GPR161: variants seen among roughly 807,000 people sequenced by gnomAD.
GPR161 encodes the protein G-protein coupled receptor RE2.
A neutral mutation model predicts 39.2 loss-of-function variants in GPR161; 25 were observed. The ratio of observed to expected loss-of-function variants is 0.64; its 90% CI spans 0.47 to 0.89. The LOEUF (loss-of-function observed/expected upper bound fraction) is 0.89. GPR161 is among the 40% of genes least tolerant of loss of function. GPR161 has a pLI of 0.00. For synonymous variants in GPR161, 286 were observed against 276.6 expected (o/e 1.03, Z -0.34); for missense variants, 547 against 677.8 (o/e 0.81, Z 2.14).
chr1:168,136,384 T>TA, intron 1 of GPR161: 2 of 1,422,450 alleles, frequency 1.4e-6, no homozygotes, highest in Non-Finnish European at 1.8e-6. Flanking sequence ...GGCACGCACC[T>TA]ACGCCCTCCC....
intron 1 of GPR161, among the ~76,000 whole-genome samples, chr1:168,111,927 T>C (rs1407663600): frequency 1.4e-5 from 2 of 143,090 alleles, no homozygotes; most frequent in Admixed American, 7.0e-5. Flanking sequence ...ATTTCACCTA[T>C]AGAGTAACAG....
chr1:168,101,747 T>C (rs1696124640), intron 2 of GPR161, among the ~76,000 whole-genome samples: 1 of 152,180 alleles, frequency 6.6e-6, no homozygotes, highest in Non-Finnish European at 1.5e-5. Context: ...GCGTGTAACA[T>C]TTTATAGTTA....
At position 168,136,901 on chromosome 1, in the gene GPR161, C is replaced by T; in HGVS notation, c.-207G>A. ...GCTCCTCCCGCGGGCCAGCCACCAG[C>T]ACGCGGACCCGGGCGGGCGCAGGCC... On this transcript the variant is annotated 5_prime_UTR_variant, in exon 1 of 6. Transcript: ENST00000682931. The T allele has an allele frequency of 5.1e-6, 5 of 981,580 alleles. No homozygotes were observed. The highest frequency in any genetic ancestry group is 6.0e-6 in the Non-Finnish European group (5 of 828,390). 60.8% of individuals were successfully genotyped at this position (981,580 alleles called of 1,614,324 possible). A position where few individuals can be genotyped will look rare whatever the true frequency, so the allele number is the denominator to read the frequency against.
Position 168,085,702 on chromosome 1 carries a change from T to C in GPR161, c.1419A>G (p.Glu473=), listed in dbSNP as rs1010570425. 6.2e-7 allele frequency: 1 copy of C among 1,614,234 alleles called. No homozygotes were observed. The highest frequency in any genetic ancestry group is 2.2e-5 in the East Asian group (1 of 44,892). Residue 473 remains glutamate (E), a synonymous_variant, in exon 6 of 6, where the codon GAA becomes GAG. Coordinates refer to ENST00000682931, the MANE Select transcript of GPR161 (RefSeq NM_001375883.1). Reference sequence around the variant, plus strand: ...CCTCCCCAAATAAGTTGATTTTGGCTTCGGCCTCAATGGCTTTGGCCAAGC... The same window carrying C: ...CCTCCCCAAATAAGTTGATTTTGGCCTCGGCCTCAATGGCTTTGGCCAAGC... ...AASLAKAIEA[E]AKINLFGEEA...
In GPR161 at chr1:168,085,812, GA is replaced by G; in HGVS notation, c.1325-17del. 6.3e-6 allele frequency: 10 copies of G among 1,598,040 alleles called. No individual in the cohort carries two copies. Among genetic ancestry groups the G allele is most frequent in the South Asian group, 3.3e-5 (3 of 89,934 alleles). On this transcript the variant is annotated splice_polypyrimidine_tract_variant and intron_variant, in intron 5 of 5. Coordinates refer to ENST00000682931, the MANE Select transcript of GPR161 (RefSeq NM_001375883.1). ...TTGGCAGCTTCTGAGGGAGAAGGCA[GA>G]AAAAAAAGTCAGCTGAGGAGCCAGG...
chr1:168,136,777 G>GCCGCCTCC lies in GPR161; in HGVS notation c.-91_-84dup. 2 of 988,228 alleles carry GCCGCCTCC rather than the reference G, an allele frequency of 2.0e-6. No individual in the cohort carries two copies. Among genetic ancestry groups the GCCGCCTCC allele is most frequent in the Non-Finnish European group, 2.4e-6 (2 of 832,254 alleles). 61.2% of individuals were successfully genotyped at this position (988,228 alleles called of 1,614,324 possible). On this transcript the variant is annotated 5_prime_UTR_variant, in exon 1 of 6. Coordinates refer to ENST00000682931, the MANE Select transcript of GPR161 (RefSeq NM_001375883.1). Reference sequence around the variant, plus strand: ...CCGCGGCAGCTCAGGCCCCGGCCCAGCCGCCTCCCCGCCTCGGCCACCGCC... The same window carrying GCCGCCTCC: ...CCGCGGCAGCTCAGGCCCCGGCCCAGCCGCCTCCCCGCCTCCCCGCCTCGGCCACCGCC...
At chr1:168,116,344 T>G (rs1697629660) in intron 1 of GPR161, among the ~76,000 whole-genome samples, 1 of 152,036 alleles carries the variant, frequency 6.6e-6, no homozygotes, top group Non-Finnish European at 1.5e-5. Context: ...GTGAGGAAAA[T>G]TCCTAAACAC....
At chr1:168,085,831 G>A (rs768260302) in intron 5 of GPR161, 35 bp from the exon 6 acceptor site, 5 of 1,582,298 alleles carry the variant, frequency 3.2e-6, no homozygotes, top group Non-Finnish European at 4.3e-6. Context: ...GTCAGCTGAG[G>A]AGCCAGGCCT....
Position 168,098,064 on chromosome 1 carries a change from G to A in GPR161, c.375-832C>T, listed in dbSNP as rs1695724706. ...TATCCATTCAAACTGGCAGGCTTCT[G>A]GTCCAGCACAGAGGGTCACAGCAGG... On this transcript the variant is annotated intron_variant, in intron 2 of 5. Coordinates refer to ENST00000682931, the MANE Select transcript of GPR161 (RefSeq NM_001375883.1). This position sits in a 1 kb window ranked among gnomAD's most constrained non-coding sequence, Gnocchi z 4.1. Among the ~76,000 whole-genome samples the A allele has an allele frequency of 1.3e-5, 2 of 152,316 alleles. No homozygotes were observed. The highest frequency in any genetic ancestry group is 3.4e-3 in the Middle Eastern group (1 of 292).
At chr1:168,089,736 C>CTGACAGAGGCAT (rs1194871165) in intron 4 of GPR161, among the ~76,000 whole-genome samples, 2 of 151,072 alleles carry the variant, frequency 1.3e-5, no homozygotes, top group African/African-American at 2.4e-5. Flanking sequence ...ATGAGTGTGA[C>CTGACAGAGGCAT]TCCCTGCCTC....
At chr1:168,135,155 G>A in intron 1 of GPR161, 3 of 1,259,358 alleles carry the variant, frequency 2.4e-6, no homozygotes, top group Non-Finnish European at 3.1e-6. Flanking sequence ...GAGCTACAGG[G>A]CAGGGAGAAG....
intron 1 of GPR161, among the ~76,000 whole-genome samples, chr1:168,105,153 G>A (rs1558112745): frequency 6.6e-6 from 1 of 152,130 alleles, no homozygotes; most frequent in African/African-American, 2.4e-5. Context: ...CAAGACCAGT[G>A]GTTCAAAACC....
At chr1:168,130,356 G>A (rs1045123601) in intron 1 of GPR161, among the ~76,000 whole-genome samples, 1 of 152,192 alleles carries the variant, frequency 6.6e-6, no homozygotes, top group African/African-American at 2.4e-5. Context: ...AAACAGCTGG[G>A]AGAAGGACAG....
In GPR161 at chr1:168,085,388, G is replaced by T; in HGVS notation, c.*143C>A. 1 of 708,076 alleles carries T rather than the reference G, an allele frequency of 1.4e-6. No individual in the cohort carries two copies. The highest frequency in any genetic ancestry group is 2.5e-5 in the East Asian group (1 of 39,272). The allele number at this position is 708,076 out of a possible 1,614,324, so 43.9% of individuals were successfully genotyped here. ...CATTATTTTCAGTCCTTGTCCTGGTGGCTGCATACCAGATGCTGCTCCTTC... is the reference window on the plus strand; with the variant it reads ...CATTATTTTCAGTCCTTGTCCTGGTTGCTGCATACCAGATGCTGCTCCTTC... On this transcript the variant is annotated 3_prime_UTR_variant, in exon 6 of 6. Transcript: ENST00000682931.
In GPR161 at chr1:168,098,214, G is replaced by A. The variant is rs1695737025; in HGVS notation, c.375-982C>T. Among the ~76,000 whole-genome samples, 1 of 152,208 alleles carries A rather than the reference G, an allele frequency of 6.6e-6. No homozygotes were observed. The highest frequency in any genetic ancestry group is 2.4e-5 in the African/African-American group (1 of 41,466). On this transcript the variant is annotated intron_variant, in intron 2 of 5. Coordinates refer to ENST00000682931, the MANE Select transcript of GPR161 (RefSeq NM_001375883.1). The surrounding 1 kb of genome is among the most constrained non-coding windows in gnomAD (Gnocchi z 4.1). ...TTGTGAGTGAGCACCAGCTCAGCAG[G>A]GAGGCTGCATGGAGCTCCACCTGGC... is the stretch of plus-strand genomic sequence containing the variant.
chr1:168,136,640 G>C (rs1699399975), intron 1 of GPR161, 99 bp downstream of exon 1: 2 of 1,214,026 alleles, frequency 1.6e-6, no homozygotes, highest in Non-Finnish European at 2.0e-6. Context: ...CCCGGCCCGC[G>C]CCCTGAGCCC....
At chr1:168,134,392 G>A (rs1699210631) in intron 1 of GPR161, among the ~76,000 whole-genome samples, 1 of 152,114 alleles carries the variant, frequency 6.6e-6, no homozygotes, top group African/African-American at 2.4e-5. Flanking sequence ...TAGAAACAGA[G>A]TCATAGACGA....
rs1011979727 is a variant in GPR161 at position 168,098,761 on chromosome 1, G to A, written c.375-1529C>T. ...AGGAGAAGATTGCGCAGTGATTAGGGTGTCTATTACAGAATCACTGCACAG... is the reference window on the plus strand; with the variant it reads ...AGGAGAAGATTGCGCAGTGATTAGGATGTCTATTACAGAATCACTGCACAG... On this transcript the variant is annotated intron_variant, in intron 2 of 5. Coordinates refer to ENST00000682931, the MANE Select transcript of GPR161 (RefSeq NM_001375883.1). This position sits in a 1 kb window ranked among gnomAD's most constrained non-coding sequence, Gnocchi z 4.1. 7.2e-5 allele frequency among the ~76,000 whole-genome samples: 11 copies of A among 152,226 alleles called. No homozygotes were observed. The highest frequency in any genetic ancestry group is 1.5e-4 in the Non-Finnish European group (10 of 68,042).
chr1:168,086,025 A>C (rs1162861295), intron 5 of GPR161, among the ~76,000 whole-genome samples: 1 of 152,254 alleles, frequency 6.6e-6, no homozygotes, highest in Non-Finnish European at 1.5e-5. Flanking sequence ...TGTAAAGAGA[A>C]GATATTAAGA....
Sources: gnomAD v4.1 joint callset for allele counts (sites outside exome capture counted in the v4.1 genomes callset) on GRCh38, gnomAD v4.1.1 for gene constraint, Gnocchi (gnomAD v3.1) non-coding constraint, MANE v1.5 for transcripts, NCBI Gene and HGNC (gene_info 2026-07-23, HGNC 2026-07-21) for gene names.